RALGPS1: variants seen among roughly 807,000 people sequenced by gnomAD.
RALGPS1 encodes ras-specific guanine nucleotide-releasing factor RalGPS1.
A neutral mutation model predicts 78.8 loss-of-function variants in RALGPS1; 19 were observed. The ratio of observed to expected loss-of-function variants is 0.24; its 90% CI spans 0.17 to 0.35. The LOEUF (loss-of-function observed/expected upper bound fraction) is 0.35. RALGPS1 is among the 10% of genes least tolerant of loss of function. The pLI is 1.00. For missense variants in RALGPS1, 454 were observed against 688.3 expected, an observed-to-expected ratio of 0.66 and a Z score of 3.81; for synonymous variants, 228 against 256.3, an observed-to-expected ratio of 0.89 and a Z score of 1.06.
chr9:127,188,849 A>AAAAAAAAAAAAAAAAAAAAAAAAAAGAAG (rs2060846751), intron 11 of RALGPS1, among the ~76,000 whole-genome samples: 1 of 149,354 alleles, frequency 6.7e-6, no homozygotes, highest in African/African-American at 2.4e-5. Context: ...AAAAAAAAAA[A>AAAAAAAAAAAAAAAAAAAAAAAAAAGAAG]TGTAGCCAGG....
chr9:127,161,370 A>G (rs2059008012), intron 8 of RALGPS1, among the ~76,000 whole-genome samples: 1 of 152,182 alleles, frequency 6.6e-6, no homozygotes, highest in Non-Finnish European at 1.5e-5. Context: ...TATTACCCTT[A>G]TTCACAGTCA....
intron 8 of RALGPS1, among the ~76,000 whole-genome samples, chr9:127,155,717 A>G (rs570988854): frequency 9.8e-5 from 15 of 152,316 alleles, no homozygotes; most frequent in African/African-American, 3.6e-4. Flanking sequence ...AGGGAGATGT[A>G]TGAGGGGATA....
chr9:127,002,447 T>C (rs199792928), intron 4 of RALGPS1, among the ~76,000 whole-genome samples: 49,439 of 116,134 alleles, frequency 0.43, 9,385 homozygotes, highest in Non-Finnish European at 0.56. Context: ...TTTTTTTTTT[T>C]CTTTTTTTTT....
intron 4 of RALGPS1, chr9:126,989,860 CCAG>C: frequency 6.5e-7 from 1 of 1,548,496 alleles, no homozygotes. Flanking sequence ...CTTGACTTGA[CCAG>C]CATCTGTTGG....
intron 8 of RALGPS1, among the ~76,000 whole-genome samples, chr9:127,095,393 A>G (rs532004295): frequency 3.3e-5 from 5 of 152,084 alleles, no homozygotes; most frequent in Non-Finnish European, 7.4e-5. Context: ...GCAAGACAAG[A>G]CTCCGTCTCA....
At chr9:126,915,055 C>G (rs867521323) in intron 1 of RALGPS1, 80 bp downstream of exon 1, 1 of 141,470 alleles carries the variant, frequency 7.1e-6, no homozygotes, top group African/African-American at 2.6e-5. Context: ...CGGGGCGGGC[C>G]CTGAGGCCGG....
At chr9:126,960,194 T>C (rs867517443) in intron 1 of RALGPS1, among the ~76,000 whole-genome samples, 41 of 45,680 alleles carry the variant, frequency 9.0e-4, no homozygotes, top group African/African-American at 3.5e-3. Context: ...CTCCCTCCCT[T>C]CCTTCCCTCC....
At chr9:127,164,198 TGAAAAGAACTATATTTTCATTTATA>T (rs2059168776) in intron 8 of RALGPS1, among the ~76,000 whole-genome samples, 2 of 152,212 alleles carry the variant, frequency 1.3e-5, no homozygotes, top group South Asian at 2.1e-4. Flanking sequence ...CATGGGTACC[TGAAAAGAACTATATTTTCATTTATA>T]GAAAACCAAG....
At chr9:127,136,992 A>G (rs2057442314) in intron 8 of RALGPS1, among the ~76,000 whole-genome samples, 1 of 152,118 alleles carries the variant, frequency 6.6e-6, no homozygotes, top group Admixed American at 6.5e-5. Flanking sequence ...AGATGGCCAC[A>G]GGAATGACCC....
chr9:127,100,817 G>T (rs1412105046), intron 8 of RALGPS1, among the ~76,000 whole-genome samples: 1 of 152,216 alleles, frequency 6.6e-6, no homozygotes, highest in Non-Finnish European at 1.5e-5. Flanking sequence ...GAAGGGATCA[G>T]CTTCATTGGT....
intron 8 of RALGPS1, among the ~76,000 whole-genome samples, chr9:127,072,379 A>AT (rs1243441661): frequency 1.3e-5 from 2 of 151,946 alleles, no homozygotes; most frequent in African/African-American, 2.4e-5. Context: ...CGTCCAGCTA[A>AT]TTTTTTTGTA....
Position 126,962,246 on chromosome 9 carries a change from T to C in RALGPS1, c.-44T>C, listed in dbSNP as rs1201862372. On this transcript the variant is annotated 5_prime_UTR_variant, in exon 2 of 19. Transcript: ENST00000259351. ...GCAGGACTTCTCCAGACAGGTTATG[T>C]TACCTGCAGAGGCTGCCCTGAAGCT... 1 of 1,606,176 alleles carries C rather than the reference T, an allele frequency of 6.2e-7. No homozygotes were observed. The highest frequency in any genetic ancestry group is 8.5e-7 in the Non-Finnish European group (1 of 1,173,146).
intron 4 of RALGPS1, among the ~76,000 whole-genome samples, chr9:126,992,444 A>G (rs2042366112): frequency 6.6e-6 from 1 of 152,172 alleles, no homozygotes; most frequent in African/African-American, 2.4e-5. Context: ...GAAATTAGGT[A>G]GTGTACATCC....
At chr9:127,101,425 T>G (rs986931410) in intron 8 of RALGPS1, among the ~76,000 whole-genome samples, 1 of 152,210 alleles carries the variant, frequency 6.6e-6, no homozygotes. Context: ...CAGGAACCCT[T>G]GCAGGCTCAC....
chr9:127,155,399 A>G (rs1195614246), intron 8 of RALGPS1, among the ~76,000 whole-genome samples: 1 of 152,036 alleles, frequency 6.6e-6, no homozygotes, highest in Non-Finnish European at 1.5e-5. Flanking sequence ...CAGGAAGGAG[A>G]AGGAGGCACA....
At chr9:126,977,892 T>C in intron 4 of RALGPS1, 147 bp downstream of exon 4, 1 of 550,372 alleles carries the variant, frequency 1.8e-6, no homozygotes, top group East Asian at 3.3e-5. Flanking sequence ...TTCTTGATGG[T>C]GCTCATGTTT....
intron 8 of RALGPS1, chr9:127,107,866 G>A: frequency 6.7e-7 from 1 of 1,496,986 alleles, no homozygotes; most frequent in South Asian, 1.4e-5. Context: ...AGGGAAGCCT[G>A]GTGCCTGGCT....
At chr9:127,047,018 A>T (rs1054853121) in intron 5 of RALGPS1, among the ~76,000 whole-genome samples, 2 of 150,980 alleles carry the variant, frequency 1.3e-5, no homozygotes, top group Admixed American at 1.3e-4. Context: ...AGTAACTGGT[A>T]TTGGCCTGTG....
In RALGPS1 at chr9:127,210,785, A is replaced by G. The variant is rs1442257877; in HGVS notation, c.1248-1346A>G. ...CCCGGAGCTGTGTCTACAGGTATTC[A>G]TGTGTTCATGTGTTCATTTGTTTGA... On this transcript the variant is annotated intron_variant, in intron 14 of 18. Transcript: ENST00000259351. 4.5e-6 allele frequency: 7 copies of G among 1,542,232 alleles called. No homozygotes were observed. The East Asian group carries it at 1.2e-4, about 27-fold the overall frequency.
Sources: allele counts gnomAD v4.1 joint callset (sites outside exome capture counted in the v4.1 genomes callset), GRCh38; gene constraint gnomAD v4.1.1; transcripts MANE v1.5; gene names NCBI Gene and HGNC (gene_info 2026-07-23, HGNC 2026-07-21).